Variants in USH2A observed in about 807,000 individuals in gnomAD.
USH2A encodes usherin.
In USH2A, 443 loss-of-function variants were observed where a neutral mutation model predicts 538.9. The observed-to-expected ratio is 0.82, with a 90% CI of 0.76 to 0.89. The LOEUF (loss-of-function observed/expected upper bound fraction) is 0.89, where lower values mean the gene tolerates loss of function less well. Ranked by LOEUF, USH2A falls within the 40% of genes least tolerant of loss-of-function variation. The probability of loss-of-function intolerance (pLI) is 0.00; values close to 1 mark genes in which losing one functional copy is unlikely to be tolerated. For synonymous variants in USH2A, 2,413 were observed against 2,273.5 expected (o/e 1.06, Z -1.75); for missense variants, 6,633 against 6,324.8 (o/e 1.05, Z -1.65).
intron 64 of USH2A, 45 bp downstream of exon 64, chr1:215,670,927 G>A: frequency 6.3e-7 from 1 of 1,595,102 alleles, no homozygotes; most frequent in Non-Finnish European, 8.6e-7. Context: ...GGTGCTGACG[G>A]GTGCAAACAA....
rs1178005719 is a variant in USH2A at position 216,151,303 on chromosome 1, C to A, written c.4627+23949G>T. On this transcript the variant is annotated intron_variant, in intron 21 of 71. Transcript: ENST00000307340. ...TCTCCAGTTTTGCCTCGCACAAGGT[C>A]TCTTCTTCCTCTGTGGATCCTCTAC... 2.6e-5 allele frequency among the ~76,000 whole-genome samples: 4 copies of A among 152,068 alleles called. No homozygotes were observed. In the East Asian group the frequency reaches 5.8e-4, roughly 22 times the overall value.
At chr1:215,742,660 A>G (rs1660338564) in intron 59 of USH2A, among the ~76,000 whole-genome samples, 1 of 152,210 alleles carries the variant, frequency 6.6e-6, no homozygotes, top group Non-Finnish European at 1.5e-5. Flanking sequence ...CAACACAGAT[A>G]CATGAAAATT....
chr1:215,728,268 C>T lies in USH2A; in HGVS notation c.11828G>A (p.Arg3943Lys), dbSNP rs1297122035. The T allele has an allele frequency of 6.2e-7, 1 of 1,614,144 alleles. No homozygotes were observed. Among genetic ancestry groups the T allele is most frequent in the Admixed American group, 1.7e-5 (1 of 60,018 alleles). ...RPFTLYEYRVRACNSKGSVES... is the reference protein window; with the variant it reads ...RPFTLYEYRVKACNSKGSVES... ...CACTGAACCCTTGGAGTTACAGGCT[C>T]TGACCCGATATTCGTAGAGTGTGAA... Residue 3943 changes from arginine (R) to lysine (K), a missense_variant, in exon 61 of 72, where the codon AGA becomes AAA. Physicochemically the swap from Arg to Lys is conservative, Grantham distance 26. Coordinates refer to ENST00000307340, the MANE Select transcript of USH2A (RefSeq NM_206933.4).
chr1:215,752,295 T>C (rs1455061714), intron 58 of USH2A, among the ~76,000 whole-genome samples: 1 of 152,198 alleles, frequency 6.6e-6, no homozygotes, highest in Non-Finnish European at 1.5e-5. Context: ...GATATGTTGT[T>C]TGTATGTCAC....
intron 55 of USH2A, among the ~76,000 whole-genome samples, chr1:215,777,190 T>C (rs192179017): frequency 6.6e-6 from 1 of 152,304 alleles, no homozygotes; most frequent in East Asian, 1.9e-4. Flanking sequence ...TAATAGGATT[T>C]CTGGCACCAA....
chr1:216,309,406 T>C (rs913373754), intron 9 of USH2A, among the ~76,000 whole-genome samples: 2 of 152,092 alleles, frequency 1.3e-5, no homozygotes, highest in Non-Finnish European at 1.5e-5. Flanking sequence ...TAGGTGGATG[T>C]TGTTTTCTCT....
chr1:216,331,967 A>G lies in USH2A; in HGVS notation c.785-4313T>C, dbSNP rs867997807. 3.5e-4 allele frequency among the ~76,000 whole-genome samples: 54 copies of G among 152,274 alleles called. No homozygotes were observed. The Middle Eastern group carries it at 0.01, about 29-fold the overall frequency. On this transcript the variant is annotated intron_variant, in intron 4 of 71. Coordinates refer to ENST00000307340, the MANE Select transcript of USH2A (RefSeq NM_206933.4). ...GGAAATAAAGCAAAGACTTGCAACA[A>G]TGTGGACAGTGTTTATTTTTTAAAT...
At chr1:216,355,313 A>AAGAAAGAAAGAAAGAAAGAAAGAAAGAG in intron 4 of USH2A, among the ~76,000 whole-genome samples, 1 of 38,420 alleles carries the variant, frequency 2.6e-5, no homozygotes, top group Non-Finnish European at 7.9e-5. Context: ...TTCAAAAAGA[A>AAGAAAGAAAGAAAGAAAGAAAGAAAGAG]AGAAAGAAAG....
intron 37 of USH2A, among the ~76,000 whole-genome samples, chr1:215,963,100 T>G (rs1365811411): frequency 1.3e-5 from 2 of 152,144 alleles, no homozygotes; most frequent in Non-Finnish European, 2.9e-5. Flanking sequence ...CAGGAAAGGA[T>G]GAAATACAGT....
rs550496443 is a variant in USH2A, at chr1:215,921,142, C to G, written c.7300+13474G>C. On this transcript the variant is annotated intron_variant, in intron 38 of 71. Transcript: ENST00000307340. ...TAACACTATTAGATAAATTAAGTCT[C>G]TTCACAAGAATGCAAACTATGTACA... Among the ~76,000 whole-genome samples the G allele has an allele frequency of 7.2e-5, 11 of 152,126 alleles. No individual in the cohort carries two copies. The South Asian group carries it at 2.3e-3, about 32-fold the overall frequency.
chr1:216,087,697 A>G (rs2032176750), intron 23 of USH2A, among the ~76,000 whole-genome samples: 2 of 152,242 alleles, frequency 1.3e-5, no homozygotes. Context: ...TTCTGCCTCA[A>G]TCTCATCACC....
At chr1:216,373,495 G>A (rs1331165491) in intron 3 of USH2A, among the ~76,000 whole-genome samples, 2 of 152,062 alleles carry the variant, frequency 1.3e-5, no homozygotes, top group Admixed American at 6.6e-5. Context: ...CTATCTCAAC[G>A]TTACAGGAAA....
chr1:216,043,722 C>T (rs1000869277), intron 32 of USH2A, among the ~76,000 whole-genome samples: 11 of 152,026 alleles, frequency 7.2e-5, no homozygotes, highest in Non-Finnish European at 1.3e-4. Context: ...TCCTCCTCTC[C>T]CTACACTGCC....
At position 215,946,960 on chromosome 1, in the gene USH2A, T is replaced by C. The variant is rs542459631; in HGVS notation, c.7121-12165A>G. 1.1e-4 allele frequency among the ~76,000 whole-genome samples: 17 copies of C among 152,250 alleles called. No homozygotes were observed. In the South Asian group the frequency reaches 3.5e-3, roughly 32 times the overall value. On this transcript the variant is annotated intron_variant, in intron 37 of 71. Coordinates refer to ENST00000307340, the MANE Select transcript of USH2A (RefSeq NM_206933.4). Reference sequence around the variant, plus strand: ...CATAGATTTGGTAGAAAAAATAATGTATTATCTCATTAACTTTTAGGTTTT... The same window carrying C: ...CATAGATTTGGTAGAAAAAATAATGCATTATCTCATTAACTTTTAGGTTTT...
At chr1:215,839,262 C>T (rs1246305121) in intron 46 of USH2A, among the ~76,000 whole-genome samples, 2 of 152,088 alleles carry the variant, frequency 1.3e-5, no homozygotes, top group African/African-American at 2.4e-5. Context: ...GAACTTTATA[C>T]ATATTGGAAA....
intron 11 of USH2A, among the ~76,000 whole-genome samples, chr1:216,285,998 G>GACA: frequency 6.6e-6 from 1 of 152,320 alleles, no homozygotes; most frequent in South Asian, 2.1e-4. Context: ...AGGCAGAAGG[G>GACA]ACATGCCTTG....
At chr1:216,172,606 T>C (rs978667669) in intron 21 of USH2A, among the ~76,000 whole-genome samples, 2 of 152,136 alleles carry the variant, frequency 1.3e-5, no homozygotes, top group African/African-American at 4.8e-5. Context: ...CGCATAACAC[T>C]TCAGCCCATT....
At chr1:215,666,764 T>C (rs561049793) in intron 64 of USH2A, among the ~76,000 whole-genome samples, 3 of 152,114 alleles carry the variant, frequency 2.0e-5, no homozygotes, top group Admixed American at 6.5e-5. Flanking sequence ...CAAAAAAAAG[T>C]GGGTTGTGGA....
At chr1:215,942,438 A>G (rs1666657109) in intron 37 of USH2A, among the ~76,000 whole-genome samples, 1 of 152,160 alleles carries the variant, frequency 6.6e-6, no homozygotes, top group African/African-American at 2.4e-5. Flanking sequence ...GGAGGTGGGG[A>G]AAGTCAGATG....
Sources: allele counts gnomAD v4.1 joint callset (sites outside exome capture counted in the v4.1 genomes callset), GRCh38; gene constraint gnomAD v4.1.1; transcripts MANE v1.5; gene names NCBI Gene and HGNC (gene_info 2026-07-23, HGNC 2026-07-21).